DOCK7: variants seen among roughly 807,000 people sequenced by gnomAD.
DOCK7 encodes dedicator of cytokinesis protein 7.
A neutral mutation model predicts 271.0 loss-of-function variants in DOCK7; 138 were observed. The ratio of observed to expected loss-of-function variants is 0.51; its 90% CI spans 0.44 to 0.59. The LOEUF (loss-of-function observed/expected upper bound fraction) is 0.59. Ranked by LOEUF, DOCK7 falls within the 20% of genes least tolerant of loss-of-function variation. DOCK7 has a pLI of 0.00. For missense variants in DOCK7, 2,066 were observed against 2,592.4 expected (o/e 0.80, Z 4.41); for synonymous variants, 823 against 876.1 (o/e 0.94, Z 1.07).
chr1:62,529,131 G>T, intron 30 of DOCK7, 146 bp downstream of exon 30: 1 of 750,932 alleles, frequency 1.3e-6, no homozygotes, highest in Non-Finnish European at 1.9e-6. Context: ...AAGGTTTTCT[G>T]GCAATATAGT....
intron 14 of DOCK7, among the ~76,000 whole-genome samples, chr1:62,595,902 C>G (rs1045219891): frequency 1.3e-5 from 2 of 152,038 alleles, no homozygotes; most frequent in African/African-American, 4.8e-5. Context: ...GCACTCCAGC[C>G]TGGACAACAG....
At position 62,475,919 on chromosome 1, in the gene DOCK7, C is replaced by T. The variant is rs1557597200; in HGVS notation, c.5749G>A (p.Glu1917Lys). The change falls in exon 46 of 50, where the codon GAG becomes AAG. Residue 1917 changes from glutamate to lysine, a missense_variant. Physicochemically the swap from Glu to Lys is moderately conservative, Grantham distance 56 (BLOSUM62 1). Transcript: ENST00000635253. ...NKAYIQITYV[E>K]PYFDTYEMKD... The stretch of plus-strand genomic sequence containing the variant: ...ATCTCATATGTGTCAAAGTATGGCT[C>T]CACATAGGTAATCTGAATATATGCC... 6.2e-7 allele frequency: 1 copy of T among 1,613,800 alleles called. No individual in the cohort carries two copies. Among genetic ancestry groups the T allele is most frequent in the Non-Finnish European group, 8.5e-7 (1 of 1,179,860 alleles).
At chr1:62,574,393 C>T (rs993005243) in intron 18 of DOCK7, among the ~76,000 whole-genome samples, 2 of 150,632 alleles carry the variant, frequency 1.3e-5, no homozygotes, top group Non-Finnish European at 3.0e-5. Flanking sequence ...CAGAGCCAAT[C>T]AAGAAAATCA....
chr1:62,495,826 A>G, intron 38 of DOCK7, 145 bp from the exon 39 acceptor site: 1 of 577,090 alleles, frequency 1.7e-6, no homozygotes, highest in Non-Finnish European at 2.9e-6. Flanking sequence ...CAGTATAGGT[A>G]TGTGGGGATA....
intron 14 of DOCK7, among the ~76,000 whole-genome samples, chr1:62,612,380 G>C (rs1041553724): frequency 2.0e-5 from 3 of 151,544 alleles, no homozygotes; most frequent in Non-Finnish European, 2.9e-5. Flanking sequence ...GACAGTCAGG[G>C]GGTTGGGTGC....
chr1:62,563,526 C>T (rs1571557562), intron 18 of DOCK7, among the ~76,000 whole-genome samples: 1 of 151,786 alleles, frequency 6.6e-6, no homozygotes, highest in East Asian at 1.9e-4. Context: ...CTCACCAAAA[C>T]AAACAAACAA....
At chr1:62,485,746 A>G (rs1489237445) in intron 43 of DOCK7, 2 of 949,446 alleles carry the variant, frequency 2.1e-6, no homozygotes, top group African/African-American at 3.5e-5. Context: ...AATTACAGAA[A>G]TTTCAAAACA....
At chr1:62,616,516 A>G (rs1557807376) in intron 14 of DOCK7, among the ~76,000 whole-genome samples, 2 of 151,812 alleles carry the variant, frequency 1.3e-5, no homozygotes, top group African/African-American at 4.8e-5. Flanking sequence ...AATTATATAT[A>G]ATTATGAATG....
intron 1 of DOCK7, among the ~76,000 whole-genome samples, chr1:62,683,677 G>T (rs975977432): frequency 2.0e-5 from 3 of 152,204 alleles, no homozygotes; most frequent in Non-Finnish European, 4.4e-5. Flanking sequence ...GCTCATGCCT[G>T]TAATCCCAGC....
In DOCK7 at chr1:62,477,759, C is replaced by T. The variant is rs1646007635; in HGVS notation, c.5575G>A (p.Glu1859Lys). 6.2e-7 allele frequency: 1 copy of T among 1,611,656 alleles called. No homozygotes were observed. Among genetic ancestry groups the T allele is most frequent in the South Asian group, 1.1e-5 (1 of 90,566 alleles). The change falls in exon 44 of 50, where the codon GAA (glutamate) becomes AAA (lysine). Residue 1859 changes from glutamate (E) to lysine (K), a missense_variant. Glu to Lys is a moderately conservative substitution (Grantham distance 56). Coordinates refer to ENST00000635253, the MANE Select transcript of DOCK7 (RefSeq NM_001367561.1). ...GTKFGDLDEQ[E>K]FVYKEPAITK... is the part of the protein sequence containing the mutation. Reference sequence around the variant, plus strand: ...ATTGCAGGCTCCTTGTAAACAAATTCTTGTTCATCCAAATCCCCGAACTTG... The same window carrying T: ...ATTGCAGGCTCCTTGTAAACAAATTTTTGTTCATCCAAATCCCCGAACTTG...
chr1:62,512,308 C>G (rs1644511112), intron 33 of DOCK7, among the ~76,000 whole-genome samples: 1 of 152,154 alleles, frequency 6.6e-6, no homozygotes, highest in Admixed American at 6.5e-5. Context: ...AAACTCTTAG[C>G]AACAGTATTG....
chr1:62,542,831 G>A (rs1244127258), intron 24 of DOCK7, 128 bp from the exon 25 acceptor site: 5 of 729,222 alleles, frequency 6.9e-6, no homozygotes, highest in East Asian at 2.8e-5. Context: ...ACCATTCAAT[G>A]ATGCACTGAA....
intron 7 of DOCK7, among the ~76,000 whole-genome samples, chr1:62,638,033 T>C (rs1474961501): frequency 6.6e-6 from 1 of 152,208 alleles, no homozygotes; most frequent in East Asian, 1.9e-4. Flanking sequence ...ATCATTTTGA[T>C]ACTGTCGGTC....
chr1:62,507,661 T>C (rs1437481445), intron 35 of DOCK7, among the ~76,000 whole-genome samples: 1 of 152,172 alleles, frequency 6.6e-6, no homozygotes, highest in Non-Finnish European at 1.5e-5. Context: ...TACATGCATG[T>C]TGAATCTCAC....
chr1:62,459,484 G>A (rs1645447711), intron 48 of DOCK7, among the ~76,000 whole-genome samples: 1 of 151,790 alleles, frequency 6.6e-6, no homozygotes, highest in Non-Finnish European at 1.5e-5. Context: ...CAAGTGATCT[G>A]CCTACCTCAG....
Position 62,493,371 on chromosome 1 carries a change from C to T in DOCK7, c.5218-524G>A, listed in dbSNP as rs61775881. ...AACCTAAACATTTACAGTAGATGTACACTCATTCATCAACTTTTGAAGTAG... is the reference window on the plus strand; with the variant it reads ...AACCTAAACATTTACAGTAGATGTATACTCATTCATCAACTTTTGAAGTAG... On this transcript the variant is annotated intron_variant, in intron 40 of 49. Transcript: ENST00000635253. Among the ~76,000 whole-genome samples, 218 of 151,998 alleles carry T rather than the reference C, an allele frequency of 1.4e-3. 1 individual carries two copies. The highest frequency in any genetic ancestry group is 2.6e-3 in the Non-Finnish European group (179 of 67,970).
intron 1 of DOCK7, among the ~76,000 whole-genome samples, chr1:62,687,002 A>T (rs777829630): frequency 1.5e-4 from 22 of 151,434 alleles, no homozygotes; most frequent in Non-Finnish European, 2.7e-4. Flanking sequence ...CTGGTCTTGA[A>T]CTCCTGGCCT....
chr1:62,539,944 C>A, intron 25 of DOCK7, 52 bp from the exon 26 acceptor site: 1 of 1,304,212 alleles, frequency 7.7e-7, no homozygotes. Flanking sequence ...TTAACAATTA[C>A]AACAACTCTA....
At chr1:62,611,903 G>A (rs1192832592) in intron 14 of DOCK7, among the ~76,000 whole-genome samples, 1 of 151,832 alleles carries the variant, frequency 6.6e-6, no homozygotes, top group Non-Finnish European at 1.5e-5. Context: ...CCAGCACTTT[G>A]GTAGGCTGAG....
Sources: allele counts gnomAD v4.1 joint callset (sites outside exome capture counted in the v4.1 genomes callset), GRCh38; gene constraint gnomAD v4.1.1; transcripts MANE v1.5; gene names NCBI Gene and HGNC (gene_info 2026-07-23, HGNC 2026-07-21).